The following ANK3 variants were observed in gnomAD, a reference collection of about 807,000 sequenced individuals.
ANK3 encodes the protein ankyrin-3.
In ANK3, 57 loss-of-function variants were observed where a neutral mutation model predicts 370.9. That is an observed-to-expected ratio of 0.15 (90% CI 0.12 to 0.19). The LOEUF (loss-of-function observed/expected upper bound fraction) is 0.19. Ranked by LOEUF, ANK3 falls within the 10% of genes least tolerant of loss-of-function variation. The pLI is 1.00. For missense variants in ANK3, 4,439 were observed against 5,302.1 expected (o/e 0.84, Z 5.06); for synonymous variants, 1,929 against 1,946.3 (o/e 0.99, Z 0.23).
At position 60,321,180 on chromosome 10, in the gene ANK3, C is replaced by T. The variant is rs1356514363; in HGVS notation, c.115-41541G>A. ...CTGAGGCAGGAAGATCACTTGAGCC[C>T]GGAGTTTGAGACCAGCCTGGCAGCA... On this transcript the variant is annotated intron_variant, in intron 1 of 43. Transcript: ENST00000280772. Among the ~76,000 whole-genome samples, 10 of 151,980 alleles carry T rather than the reference C, an allele frequency of 6.6e-5. No homozygotes were observed. The South Asian group carries it at 1.9e-3, about 28-fold the overall frequency.
intron 5 of ANK3, among the ~76,000 whole-genome samples, chr10:60,266,385 T>C (rs1303358589): frequency 6.6e-6 from 1 of 152,212 alleles, no homozygotes; most frequent in African/African-American, 2.4e-5. Context: ...ATTTATGTAA[T>C]GTATTACTTT....
intron 4 of ANK3, among the ~76,000 whole-genome samples, chr10:60,271,342 C>G (rs2132674995): frequency 6.6e-6 from 1 of 152,090 alleles, no homozygotes; most frequent in Admixed American, 6.5e-5. Flanking sequence ...GTAGCTGGGG[C>G]TACAGGCATG....
chr10:60,281,411 G>T (rs925921465), intron 1 of ANK3, among the ~76,000 whole-genome samples: 1 of 152,170 alleles, frequency 6.6e-6, no homozygotes, highest in Non-Finnish European at 1.5e-5. Context: ...AATGTCCCTT[G>T]GGGGAGGGGG....
rs78186536 is a variant in ANK3, at chr10:60,690,894, C to A, written c.57+42369G>T. 1.4e-4 allele frequency among the ~76,000 whole-genome samples: 21 copies of A among 152,230 alleles called. No individual in the cohort carries two copies. In the East Asian group the frequency reaches 3.3e-3, roughly 24 times the overall value. ...TTTCTGCCCCCATGAAAAGGCATTGCGAATTCTAATTTTATTTAAATATCA... is the reference window on the plus strand; with the variant it reads ...TTTCTGCCCCCATGAAAAGGCATTGAGAATTCTAATTTTATTTAAATATCA... On this transcript the variant is annotated intron_variant, in intron 1 of 43. Coordinates refer to the ANK3 transcript ENST00000373827.
chr10:60,298,958 T>C (rs2043112516), intron 1 of ANK3, among the ~76,000 whole-genome samples: 1 of 152,198 alleles, frequency 6.6e-6, no homozygotes, highest in African/African-American at 2.4e-5. Flanking sequence ...CACATCAAAA[T>C]TTAACAGTAC....
chr10:60,613,999 G>A (rs1488839866), intron 2 of ANK3, among the ~76,000 whole-genome samples: 11 of 152,048 alleles, frequency 7.2e-5, no homozygotes, highest in East Asian at 3.9e-4. Context: ...GTTTGAACCC[G>A]GGAGGCAGAT....
chr10:60,071,281 A>T lies in ANK3; in HGVS notation c.9600T>A (p.Ile3200=). Residue 3200 remains isoleucine, a synonymous_variant, in exon 37 of 44, where the codon ATT becomes ATA. Coordinates refer to ENST00000280772, the MANE Select transcript of ANK3 (RefSeq NM_020987.5). ...IAYIPGKPSP[I]PEVSEESEEE... is the part of the protein sequence containing the mutation. ...CCTCTGACTCCTCAGAAACCTCGGG[A>T]ATTGGGCTGGGTTTGCCTGGTATAT... 1 of 1,614,050 alleles carries T rather than the reference A, an allele frequency of 6.2e-7. No individual in the cohort carries two copies. Among genetic ancestry groups the T allele is most frequent in the South Asian group, 1.1e-5 (1 of 91,078 alleles).
intron 2 of ANK3, among the ~76,000 whole-genome samples, chr10:60,449,393 AGCCTGAATTGAAAC>A (rs2064536856): frequency 3.3e-5 from 5 of 152,208 alleles, no homozygotes; most frequent in Non-Finnish European, 7.3e-5. Flanking sequence ...AATTCAGGCT[AGCCTGAATTGAAAC>A]ACTGAAACAT....
chr10:60,275,126 C>T (rs1260054001), intron 4 of ANK3, among the ~76,000 whole-genome samples: 1 of 152,120 alleles, frequency 6.6e-6, no homozygotes, highest in Non-Finnish European at 1.5e-5. Context: ...ATTTCCAAAA[C>T]AAAGGTAGCT....
chr10:60,082,887 C>T (rs7070670), intron 33 of ANK3, 150 bp from the exon 34 acceptor site: 245,242 of 866,546 alleles, frequency 0.28, 37,976 homozygotes, highest in Admixed American at 0.31. Context: ...ATGCAGCAAC[C>T]GGGGTGGTCA....
chr10:60,200,221 C>T lies in ANK3; in HGVS notation c.1399G>A (p.Glu467Lys). 2 of 1,613,936 alleles carry T rather than the reference C, an allele frequency of 1.2e-6. No individual in the cohort carries two copies. Among genetic ancestry groups the T allele is most frequent in the Non-Finnish European group, 1.7e-6 (2 of 1,179,838 alleles). ...CGAGCTGCCATGTGCAGTGCTGTTTCTCCTCTCTGGGGAACATGAGCCAAA... is the reference window on the plus strand; with the variant it reads ...CGAGCTGCCATGTGCAGTGCTGTTTTTCCTCTCTGGGGAACATGAGCCAAA... Reference protein sequence around the residue: ...ASPNTTNVRGETALHMAARSG... With the variant: ...ASPNTTNVRGKTALHMAARSG... Residue 467 changes from glutamate to lysine, a missense_variant, in exon 13 of 44, where the codon GAA becomes AAA. Glu to Lys is a moderately conservative substitution (Grantham distance 56). Transcript: ENST00000280772.
At chr10:60,449,318 C>G (rs1006695813) in intron 2 of ANK3, among the ~76,000 whole-genome samples, 1 of 152,084 alleles carries the variant, frequency 6.6e-6, no homozygotes. Flanking sequence ...TTCAACATTT[C>G]AATATTTAAA....
chr10:60,181,554 G>A (rs2096188231), intron 17 of ANK3, 127 bp from the exon 18 acceptor site: 1 of 891,748 alleles, frequency 1.1e-6, no homozygotes, highest in African/African-American at 1.7e-5. Context: ...AAAAACCTAT[G>A]GAATAAATTT....
In ANK3 at chr10:60,186,765, T is replaced by C. The variant is rs775581038; in HGVS notation, c.2035A>G (p.Met679Val). 2.5e-6 allele frequency: 4 copies of C among 1,614,062 alleles called. No individual in the cohort carries two copies. The highest frequency in any genetic ancestry group is 1.3e-5 in the African/African-American group (1 of 74,936). ...HLAAQEGHVD[M>V]VSLLLGRNAN... ...TTTCTACCGAGGAGCAGCGACACCATGTCCACGTGCCCTTCCTGAGCTGCG... is the reference window on the plus strand; with the variant it reads ...TTTCTACCGAGGAGCAGCGACACCACGTCCACGTGCCCTTCCTGAGCTGCG... The change falls in exon 17 of 44, where the codon ATG becomes GTG. Residue 679 changes from methionine to valine, a missense_variant. Met to Val is a conservative substitution (Grantham distance 21). Coordinates refer to ENST00000280772, the MANE Select transcript of ANK3 (RefSeq NM_020987.5).
chr10:60,703,490 A>G lies in ANK3; in HGVS notation c.57+29773T>C, dbSNP rs145566806. Among the ~76,000 whole-genome samples, 66 of 152,302 alleles carry G rather than the reference A, an allele frequency of 4.3e-4. No individual in the cohort carries two copies. In the East Asian group the frequency reaches 0.011, roughly 26 times the overall value. ...ATTCTACTACTCTGTCGGATTTTGT[A>G]TGTTTTAAATTGTCCACAATGAACA... On this transcript the variant is annotated intron_variant, in intron 1 of 43. Transcript: ENST00000373827.
chr10:60,261,882 C>T lies in ANK3; in HGVS notation c.775G>A (p.Ala259Thr), dbSNP rs866113467. The change falls in exon 7 of 44, where the codon GCT becomes ACT. Residue 259 changes from alanine (A) to threonine (T), a missense_variant. Around this residue, in one of 13 missense-constraint regions of ANK3, gnomAD observed 227 missense variants for 377.6 expected, o/e 0.60. Transcript: ENST00000280772. ...NVATLLLNRAAAVDFTARNDI... is the reference protein window; with the variant it reads ...NVATLLLNRATAVDFTARNDI... ...ACCCTTGCGGTGAAATCCACAGCAG[C>T]CGCTCGGTTTAACAGCAACGTGGCT... The T allele has an allele frequency of 6.2e-7, 1 of 1,614,104 alleles. No homozygotes were observed. The highest frequency in any genetic ancestry group is 8.5e-7 in the Non-Finnish European group (1 of 1,179,982).
chr10:60,694,993 C>G (rs2079422889), intron 1 of ANK3, among the ~76,000 whole-genome samples: 1 of 147,762 alleles, frequency 6.8e-6, no homozygotes, highest in African/African-American at 2.5e-5. Flanking sequence ...GTGCTGTATT[C>G]AGGAAACCCA....
intron 1 of ANK3, among the ~76,000 whole-genome samples, chr10:60,348,275 G>T (rs1297264873): frequency 6.7e-6 from 1 of 148,204 alleles, no homozygotes; most frequent in Non-Finnish European, 1.5e-5. Flanking sequence ...ACAGAAACCT[G>T]CTGGGATGTA....
chr10:60,200,039 C>A, intron 13 of ANK3, 90 bp downstream of exon 13: 1 of 916,242 alleles, frequency 1.1e-6, no homozygotes, highest in East Asian at 2.6e-5. Flanking sequence ...TTAAAGTATT[C>A]TTGAAAGACT....
Sources: gnomAD v4.1 joint callset for allele counts (sites outside exome capture counted in the v4.1 genomes callset) on GRCh38, gnomAD v4.1.1 for gene constraint, gnomAD v4.1.1 regional missense constraint, MANE v1.5 for transcripts, NCBI Gene and HGNC (gene_info 2026-07-23, HGNC 2026-07-21) for gene names.